The following MED17 variants were observed in gnomAD, a reference collection of about 807,000 sequenced individuals.
MED17 encodes mediator of RNA polymerase II transcription subunit 17.
In MED17, 49 loss-of-function variants were observed where a neutral mutation model predicts 80.8. That is an observed-to-expected ratio of 0.61 (90% CI 0.48 to 0.77). MED17 has a LOEUF of 0.77. MED17 is among the 30% of genes least tolerant of loss of function. The probability of loss-of-function intolerance (pLI) is 0.00; values close to 1 mark genes in which losing one functional copy is unlikely to be tolerated. For missense variants in MED17, 718 were observed against 787.0 expected, an observed-to-expected ratio of 0.91 and a Z score of 1.05; for synonymous variants, 281 against 280.4, an observed-to-expected ratio of 1.00 and a Z score of -0.02.
intron 8 of MED17, 94 bp downstream of exon 8, chr11:93,797,813 A>G: frequency 8.3e-7 from 1 of 1,211,300 alleles, no homozygotes; most frequent in Non-Finnish European, 1.2e-6. Flanking sequence ...GATGCTTTTG[A>G]CTTTTTTATT....
intron 9 of MED17, 154 bp from the exon 10 acceptor site, chr11:93,807,364 G>C (rs908495186): frequency 2.7e-5 from 17 of 619,700 alleles, no homozygotes; most frequent in African/African-American, 2.4e-4. Flanking sequence ...AGTGAGCTGA[G>C]ATCACGCCAC....
At chr11:93,787,135 C>A (rs140663908) in intron 1 of MED17, among the ~76,000 whole-genome samples, 1 of 152,104 alleles carries the variant, frequency 6.6e-6, no homozygotes, top group South Asian at 2.1e-4. Context: ...TCACTGGGGC[C>A]GGGCGCAGTG....
At chr11:93,804,147 G>A (rs1289323996) in intron 9 of MED17, among the ~76,000 whole-genome samples, 1 of 151,788 alleles carries the variant, frequency 6.6e-6, no homozygotes, top group African/African-American at 2.4e-5. Context: ...AGGAGAGTCA[G>A]TCCAAGTTCC....
intron 3 of MED17, chr11:93,793,475 T>A (rs1943863879): frequency 2.6e-6 from 1 of 390,540 alleles, no homozygotes. Context: ...GGATTTTCTG[T>A]GGAATTCTTA....
chr11:93,801,823 T>G lies in MED17; in HGVS notation c.1329-12T>G, dbSNP rs147839859. On this transcript the variant is annotated splice_polypyrimidine_tract_variant and intron_variant, in intron 8 of 11. Transcript: ENST00000251871. Reference sequence around the variant, plus strand: ...TGACTTAAAAAGTTTTTTAACTTCTTGTATTTAAAAGAGCTGCTGCAACCA... The same window carrying G: ...TGACTTAAAAAGTTTTTTAACTTCTGGTATTTAAAAGAGCTGCTGCAACCA... The G allele has an allele frequency of 3.1e-6, 5 of 1,612,302 alleles. No homozygotes were observed. The highest frequency in any genetic ancestry group is 4.2e-6 in the Non-Finnish European group (5 of 1,179,150).
Position 93,797,600 on chromosome 11 carries a change from G to A in MED17, c.1209G>A (p.Lys403=), listed in dbSNP as rs534953424. The A allele has an allele frequency of 1.4e-4, 224 of 1,613,988 alleles. No individual in the cohort carries two copies. Among genetic ancestry groups the A allele is most frequent in the Non-Finnish European group, 1.8e-4 (216 of 1,179,972 alleles). Residue 403 remains lysine, a synonymous_variant, in exon 8 of 12, where the codon AAG becomes AAA. Coordinates refer to ENST00000251871, the MANE Select transcript of MED17 (RefSeq NM_004268.5). ...PHPASAPFGH[K]RMRLSGPQAF... Reference sequence around the variant, plus strand: ...CAGCAAGTGCACCTTTTGGCCACAAGAGAATGAGACTTTCGGGTCCTCAAG... The same window carrying A: ...CAGCAAGTGCACCTTTTGGCCACAAAAGAATGAGACTTTCGGGTCCTCAAG...
At chr11:93,804,036 C>CAT in intron 9 of MED17, among the ~76,000 whole-genome samples, 1 of 87,284 alleles carries the variant, frequency 1.1e-5, no homozygotes, top group Non-Finnish European at 2.6e-5. Flanking sequence ...TACACACACA[C>CAT]ATATACACAC....
Position 93,801,977 on chromosome 11 carries a change from G to A in MED17, c.1466+5G>A, listed in dbSNP as rs375882879. ...AGGCTATGAACAAATATGCAAGTAA[G>A]TGGCCAAAATAAAAGTTTTGTATTT... On this transcript the variant is annotated splice_donor_5th_base_variant and intron_variant, in intron 9 of 11. Transcript: ENST00000251871. 6.2e-7 allele frequency: 1 copy of A among 1,610,578 alleles called. No individual in the cohort carries two copies. Among genetic ancestry groups the A allele is most frequent in the South Asian group, 1.1e-5 (1 of 90,742 alleles).
Position 93,807,182 on chromosome 11 carries a change from C to G in MED17, c.1467-336C>G, listed in dbSNP as rs193145721. ...ATCCCAGCACTTTGGGAGGCCGAGGCAGGTAGATCACTTCAGGTCAGGAGT... is the reference window on the plus strand; with the variant it reads ...ATCCCAGCACTTTGGGAGGCCGAGGGAGGTAGATCACTTCAGGTCAGGAGT... On this transcript the variant is annotated intron_variant, in intron 9 of 11. Transcript: ENST00000251871. 1.3e-5 allele frequency: 3 copies of G among 232,000 alleles called. No homozygotes were observed. The Admixed American group carries it at 1.6e-4, about 12-fold the overall frequency. 14.4% of individuals were successfully genotyped at this position (232,000 alleles called of 1,614,324 possible).
intron 3 of MED17, among the ~76,000 whole-genome samples, chr11:93,792,965 A>G (rs993458416): frequency 2.0e-5 from 3 of 151,828 alleles, no homozygotes; most frequent in African/African-American, 4.8e-5. Context: ...AAAATAAAAA[A>G]TCTAGGAAAC....
chr11:93,804,028 C>CATATATATGTGTGTATAT (rs1565293336), intron 9 of MED17, among the ~76,000 whole-genome samples: 7 of 23,554 alleles, frequency 3.0e-4, no homozygotes, highest in Non-Finnish European at 6.8e-4. Context: ...TATATATATA[C>CATATATATGTGTGTATAT]ACACACACAT....
chr11:93,801,161 C>G (rs980828101), intron 8 of MED17: 1 of 152,094 alleles, frequency 6.6e-6, no homozygotes, highest in African/African-American at 2.4e-5. Context: ...CTTAACATTG[C>G]TAAAGTTTTT....
At chr11:93,808,846 G>A (rs1944057261) in intron 10 of MED17, 1 of 152,326 alleles carries the variant, frequency 6.6e-6, no homozygotes, top group Non-Finnish European at 1.5e-5. Flanking sequence ...AATGGATAGG[G>A]ATCAAAGCTA....
intron 5 of MED17, chr11:93,794,627 A>G (rs1943881646): frequency 1.2e-5 from 6 of 488,574 alleles, no homozygotes; most frequent in South Asian, 1.1e-4. Context: ...TGGCATGATT[A>G]TTGCTAATTG....
Position 93,784,310 on chromosome 11 carries a change from G to C in MED17, c.-204G>C. The C allele has an allele frequency of 3.0e-6, 2 of 666,686 alleles. No individual in the cohort carries two copies. Among genetic ancestry groups the C allele is most frequent in the Admixed American group, 6.4e-5 (2 of 31,428 alleles). The allele number at this position is 666,686 out of a possible 1,614,324, so 41.3% of individuals were successfully genotyped here. ...TTTGCTCCGAAAGACTTACCGAGGA[G>C]GGAGCTTGCGGTGCGTTCTGGGAAA... On this transcript the variant is annotated 5_prime_UTR_variant, in exon 1 of 12. Transcript: ENST00000251871.
intron 5 of MED17, chr11:93,794,673 C>T: frequency 1.7e-6 from 1 of 571,722 alleles, no homozygotes; most frequent in Non-Finnish European, 3.1e-6. Flanking sequence ...CTTTCCTCTT[C>T]AGGAATGAAA....
rs771377375 is a variant in MED17 at position 93,793,861 on chromosome 11, C to T, written c.771C>T (p.Ile257=). 1 of 1,613,304 alleles carries T rather than the reference C, an allele frequency of 6.2e-7. No individual in the cohort carries two copies. The highest frequency in any genetic ancestry group is 2.2e-5 in the East Asian group (1 of 44,840). The change falls in exon 4 of 12, where the codon ATC becomes ATT. Residue 257 remains isoleucine, a synonymous_variant. Coordinates refer to ENST00000251871, the MANE Select transcript of MED17 (RefSeq NM_004268.5). ...IPSDLEGSAY[I]KVSIQKQAPD... ...GTGATTTAGAGGGGTCTGCATATAT[C>T]AAGGTATTTGTCAAAATATTTTTCA...
chr11:93,784,315 C>A lies in MED17; in HGVS notation c.-199C>A, dbSNP rs1943743837. 2 of 686,540 alleles carry A rather than the reference C, an allele frequency of 2.9e-6. No homozygotes were observed. Among genetic ancestry groups the A allele is most frequent in the Non-Finnish European group, 4.7e-6 (2 of 426,120 alleles). The allele number at this position is 686,540 out of a possible 1,614,324, so 42.5% of individuals were successfully genotyped here. ...TCCGAAAGACTTACCGAGGAGGGAGCTTGCGGTGCGTTCTGGGAAAGTTGC... is the reference window on the plus strand; with the variant it reads ...TCCGAAAGACTTACCGAGGAGGGAGATTGCGGTGCGTTCTGGGAAAGTTGC... On this transcript the variant is annotated 5_prime_UTR_variant, in exon 1 of 12. Coordinates refer to ENST00000251871, the MANE Select transcript of MED17 (RefSeq NM_004268.5).
intron 6 of MED17, chr11:93,796,204 G>A (rs568534706): frequency 3.8e-6 from 2 of 521,070 alleles, no homozygotes; most frequent in East Asian, 7.4e-5. Flanking sequence ...ACCCACCTTG[G>A]CCTCCCAACA....
Sources: gnomAD v4.1 joint callset for allele counts (sites outside exome capture counted in the v4.1 genomes callset) on GRCh38, gnomAD v4.1.1 for gene constraint, MANE v1.5 for transcripts, NCBI Gene and HGNC (gene_info 2026-07-23, HGNC 2026-07-21) for gene names.